Variants in PPP2R2A observed in about 807,000 individuals in gnomAD.
PPP2R2A encodes the protein serine/threonine-protein phosphatase 2A 55 kDa regulatory subunit B alpha isoform.
Under a neutral mutation model 53.2 loss-of-function variants are expected in PPP2R2A, and 9 were observed. The observed-to-expected ratio is 0.17, with a 90% CI of 0.10 to 0.30. The LOEUF (loss-of-function observed/expected upper bound fraction) is 0.30, where lower values mean the gene tolerates loss of function less well. Ranked by LOEUF, PPP2R2A falls within the 10% of genes least tolerant of loss-of-function variation. The pLI, the probability that PPP2R2A is intolerant of heterozygous loss-of-function variation, is 1.00. For missense variants in PPP2R2A, 235 were observed against 534.6 expected, an observed-to-expected ratio of 0.44 and a Z score of 5.53; for synonymous variants, 169 against 174.2, an observed-to-expected ratio of 0.97 and a Z score of 0.23.
rs533015019 is a variant in PPP2R2A at position 26,296,960 on chromosome 8, C to G, written c.82+3220C>G. ...CCTTGGGTTTTTACCCTAGCTCCAG[C>G]ACAAACTAGTGTATGTCACTGGGGA... On this transcript the variant is annotated intron_variant, in intron 2 of 9. Transcript: ENST00000380737. Among the ~76,000 whole-genome samples, 7 of 152,290 alleles carry G rather than the reference C, an allele frequency of 4.6e-5. No homozygotes were observed. In the East Asian group the frequency reaches 1.4e-3, roughly 29 times the overall value.
chr8:26,372,408 T>C lies in PPP2R2A; in HGVS notation c.*1995T>C, dbSNP rs1256003674. 2 of 152,226 alleles carry C rather than the reference T, an allele frequency of 1.3e-5. No homozygotes were observed. Among genetic ancestry groups the C allele is most frequent in the African/African-American group, 2.4e-5 (1 of 41,470 alleles). The allele number at this position is 152,226 out of a possible 1,614,324, so 9.4% of individuals were successfully genotyped here. ...TACAGCTTGGTTGTATGTCTTGAGA[T>C]AACACCACCAAACAGCTCTCAGAAA... On this transcript the variant is annotated 3_prime_UTR_variant, in exon 10 of 10. Transcript: ENST00000380737.
At chr8:26,369,124 T>TACACAC (rs375380252) in intron 9 of PPP2R2A, among the ~76,000 whole-genome samples, 9 of 149,412 alleles carry the variant, frequency 6.0e-5, no homozygotes, top group African/African-American at 2.2e-4. Flanking sequence ...AAAAAAATTA[T>TACACAC]ACACACACAC....
intron 3 of PPP2R2A, among the ~76,000 whole-genome samples, chr8:26,349,427 G>A (rs1341655833): frequency 6.6e-6 from 1 of 152,162 alleles, no homozygotes; most frequent in South Asian, 2.1e-4. Context: ...TGGCTCTTGA[G>A]AATAAAGCTG....
Position 26,313,956 on chromosome 8 carries a change from C to T in PPP2R2A, c.82+20216C>T, listed in dbSNP as rs796652151. Among the ~76,000 whole-genome samples, 13 of 152,288 alleles carry T rather than the reference C, an allele frequency of 8.5e-5. No homozygotes were observed. The South Asian group carries it at 1.2e-3, about 15-fold the overall frequency. On this transcript the variant is annotated intron_variant, in intron 2 of 9. Transcript: ENST00000380737. ...TTACAGCAGCCATAGGAAACTCACG[C>T]AGGAGTGGACATTGTACATACGGGC...
At chr8:26,327,225 C>A (rs1055071887) in intron 2 of PPP2R2A, among the ~76,000 whole-genome samples, 1 of 152,124 alleles carries the variant, frequency 6.6e-6, no homozygotes, top group East Asian at 1.9e-4. Flanking sequence ...TGTGCCCTGA[C>A]GTAAGGAAAG....
intron 4 of PPP2R2A, among the ~76,000 whole-genome samples, chr8:26,357,663 T>A (rs1489728896): frequency 6.6e-6 from 1 of 152,138 alleles, no homozygotes; most frequent in Admixed American, 6.5e-5. Flanking sequence ...TCTTAACAAC[T>A]TCTTGATAAG....
intron 2 of PPP2R2A, among the ~76,000 whole-genome samples, chr8:26,325,827 TTTTA>T (rs1381480492): frequency 2.6e-5 from 4 of 152,266 alleles, no homozygotes; most frequent in Admixed American, 1.3e-4. Flanking sequence ...CTTTACTTAT[TTTTA>T]TTTATTTTTT....
rs943958945 is a variant in PPP2R2A, at chr8:26,351,351, C to T, written c.181-3117C>T. On this transcript the variant is annotated intron_variant, in intron 3 of 9. Coordinates refer to ENST00000380737, the MANE Select transcript of PPP2R2A (RefSeq NM_002717.4). ...TCTCCATGGCCCTCTTTAAAGTCAG[C>T]CTTACTACCTTATAAATAAGTAAAT... Among the ~76,000 whole-genome samples the T allele has an allele frequency of 3.9e-5, 6 of 151,962 alleles. No homozygotes were observed. In the East Asian group the frequency reaches 5.8e-4, roughly 15 times the overall value.
intron 1 of PPP2R2A, chr8:26,293,214 T>A: frequency 6.5e-7 from 1 of 1,534,726 alleles, no homozygotes; most frequent in Non-Finnish European, 8.7e-7. Flanking sequence ...GTGATAAGGT[T>A]CATATGAATC....
rs951427050 is a variant in PPP2R2A at position 26,291,544 on chromosome 8, G to T, written c.-276G>T. The T allele has an allele frequency of 6.0e-4, 312 of 517,040 alleles. 1 individual carries two copies. The highest frequency in any genetic ancestry group is 4.6e-3 in the African/African-American group (227 of 49,222). The allele number at this position is 517,040 out of a possible 1,614,324, so 32.0% of individuals were successfully genotyped here. A position where few individuals can be genotyped will look rare whatever the true frequency, so the allele number is the denominator to read the frequency against. On this transcript the variant is annotated 5_prime_UTR_variant, in exon 1 of 10. Coordinates refer to ENST00000380737, the MANE Select transcript of PPP2R2A (RefSeq NM_002717.4). ...CGCCATTTTGAAAGTGGAGTCGCCT[G>T]CCCCTGCCGCTGCCGCCGCCGCCGT...
rs536904824 is a variant in PPP2R2A, at chr8:26,354,518, C to T, written c.231C>T (p.Phe77=). The T allele has an allele frequency of 1.2e-6, 2 of 1,606,256 alleles. No individual in the cohort carries two copies. Among genetic ancestry groups the T allele is most frequent in the East Asian group, 4.5e-5 (2 of 44,712 alleles). Residue 77 remains phenylalanine, a synonymous_variant, in exon 4 of 10, where the codon TTC becomes TTT. Coordinates refer to ENST00000380737, the MANE Select transcript of PPP2R2A (RefSeq NM_002717.4). This position sits in a 1 kb window ranked among gnomAD's most constrained non-coding sequence, Gnocchi z 4.6. ...SRGEYNVYST[F]QSHEPEFDYL... ...GAGAATATAATGTTTACAGCACCTT[C>T]CAGAGCCATGAACCAGAGTTTGACT...
intron 2 of PPP2R2A, among the ~76,000 whole-genome samples, chr8:26,313,436 C>T (rs1802386633): frequency 6.6e-6 from 1 of 152,190 alleles, no homozygotes. Flanking sequence ...GCTCTTCCTA[C>T]TGCTCCTCCC....
At chr8:26,336,745 G>T (rs892309401) in intron 2 of PPP2R2A, among the ~76,000 whole-genome samples, 1 of 151,918 alleles carries the variant, frequency 6.6e-6, no homozygotes, top group Non-Finnish European at 1.5e-5. Context: ...GCCAGGTATG[G>T]TGGTGCATGC....
In PPP2R2A at chr8:26,291,516, C is replaced by A; in HGVS notation, c.-304C>A. 2.2e-6 allele frequency: 1 copy of A among 453,812 alleles called. No homozygotes were observed. The highest frequency in any genetic ancestry group is 4.0e-6 in the Non-Finnish European group (1 of 253,142). 28.1% of individuals were successfully genotyped at this position (453,812 alleles called of 1,614,324 possible). ...AGGTGACGTCACTGGCCAGGCCAGC[C>A]GGCGCCATTTTGAAAGTGGAGTCGC... On this transcript the variant is annotated 5_prime_UTR_variant, in exon 1 of 10. Coordinates refer to ENST00000380737, the MANE Select transcript of PPP2R2A (RefSeq NM_002717.4).
chr8:26,355,553 T>C (rs1346420430), intron 4 of PPP2R2A, among the ~76,000 whole-genome samples: 2 of 151,924 alleles, frequency 1.3e-5, no homozygotes, highest in East Asian at 3.9e-4. Flanking sequence ...CCAGGAAAAG[T>C]TGAGTGAGGA....
chr8:26,292,298 G>A (rs762123575), intron 1 of PPP2R2A: 52 of 990,934 alleles, frequency 5.2e-5, no homozygotes, highest in Non-Finnish European at 6.1e-5. Flanking sequence ...CGCCTTATAA[G>A]TTAAAATACA....
In PPP2R2A at chr8:26,338,801, G is replaced by A. The variant is rs961330756; in HGVS notation, c.83-89G>A. ...TTCAAAGATATACTTCATAGACTTGGAATGTTTGGGAAAACACGCTAAGTT... is the reference window on the plus strand; with the variant it reads ...TTCAAAGATATACTTCATAGACTTGAAATGTTTGGGAAAACACGCTAAGTT... On this transcript the variant is annotated intron_variant, in intron 2 of 9. Transcript: ENST00000380737. The surrounding 1 kb of genome is among the most constrained non-coding windows in gnomAD (Gnocchi z 4.5). The A allele has an allele frequency of 1.2e-6, 1 of 804,292 alleles. No homozygotes were observed. Among genetic ancestry groups the A allele is most frequent in the African/African-American group, 1.7e-5 (1 of 57,972 alleles). The allele number at this position is 804,292 out of a possible 1,614,324, so 49.8% of individuals were successfully genotyped here.
intron 2 of PPP2R2A, among the ~76,000 whole-genome samples, chr8:26,301,114 T>G (rs1801762462): frequency 6.6e-6 from 1 of 152,228 alleles, no homozygotes; most frequent in Non-Finnish European, 1.5e-5. Flanking sequence ...CTGGGATTCT[T>G]ACCTTAGACC....
At chr8:26,293,957 A>G (rs1563277946) in intron 2 of PPP2R2A, 3 of 533,608 alleles carry the variant, frequency 5.6e-6, no homozygotes, top group East Asian at 6.5e-5. Flanking sequence ...CTGAATTTAC[A>G]TGGAAGGAGC....
Sources: gnomAD v4.1 joint callset for allele counts (sites outside exome capture counted in the v4.1 genomes callset) on GRCh38, gnomAD v4.1.1 for gene constraint, Gnocchi (gnomAD v3.1) non-coding constraint, MANE v1.5 for transcripts, NCBI Gene and HGNC (gene_info 2026-07-23, HGNC 2026-07-21) for gene names.